Variants in CACNA1A observed in about 807,000 individuals in gnomAD.
CACNA1A encodes calcium voltage-gated channel subunit alpha1 A.
Under a neutral mutation model 262.4 loss-of-function variants are expected in CACNA1A, and 57 were observed. That is an observed-to-expected ratio of 0.22 (90% CI 0.18 to 0.27). The LOEUF (loss-of-function observed/expected upper bound fraction) is 0.27, where lower values mean the gene tolerates loss of function less well. Among genes scored for constraint, CACNA1A ranks in the 10% least tolerant of loss-of-function variants. CACNA1A has a pLI of 1.00. For missense variants in CACNA1A, 2,526 were observed against 3,562.8 expected (o/e 0.71, Z 7.41); for synonymous variants, 1,431 against 1,419.3 (o/e 1.01, Z -0.18).
chr19:13,439,700 C>T (rs1215710044), intron 3 of CACNA1A, among the ~76,000 whole-genome samples: 2 of 151,790 alleles, frequency 1.3e-5, no homozygotes, highest in South Asian at 2.1e-4. Flanking sequence ...CGTGGGCCAC[C>T]GTGCCTGGCC....
chr19:13,245,969 G>C (rs1000954617), intron 30 of CACNA1A, among the ~76,000 whole-genome samples: 52 of 152,226 alleles, frequency 3.4e-4, no homozygotes, highest in African/African-American at 1.2e-3. Flanking sequence ...ACCACTCCCA[G>C]GTATACCCAT....
At chr19:13,476,276 G>A (rs1978522639) in intron 1 of CACNA1A, among the ~76,000 whole-genome samples, 1 of 152,198 alleles carries the variant, frequency 6.6e-6, no homozygotes, top group Non-Finnish European at 1.5e-5. Flanking sequence ...AAGCCAGACT[G>A]GAAGTAAGAA....
rs530123265 is a variant in CACNA1A, at chr19:13,369,251, C to T, written c.631+2437G>A. Among the ~76,000 whole-genome samples the T allele has an allele frequency of 2.0e-5, 3 of 152,206 alleles. No individual in the cohort carries two copies. In the South Asian group the frequency reaches 6.2e-4, roughly 32 times the overall value. On this transcript the variant is annotated intron_variant, in intron 4 of 46. Transcript: ENST00000360228. ...CCCTTGGTGATCAAAAGCTATCTCA[C>T]CTGGGAGCTACTGCGTCTCTACCTC... is the stretch of plus-strand genomic sequence containing the variant.
At chr19:13,272,855 C>T (rs1280910262) in intron 24 of CACNA1A, 4 of 152,156 alleles carry the variant, frequency 2.6e-5, no homozygotes, top group Admixed American at 2.6e-4. Flanking sequence ...GTAAAACATT[C>T]TGGCTTTTCA....
rs187419630 is a variant in CACNA1A at position 13,295,632 on chromosome 19, C to T, written c.3089+2912G>A. On this transcript the variant is annotated intron_variant, in intron 19 of 46. Coordinates refer to ENST00000360228, the MANE Select transcript of CACNA1A (RefSeq NM_001127222.2). ...TCAGCCTTCCAAGTAGCTAGAACTA[C>T]AGGCACCTGCCGCCACACCTGGCTA... 1.4e-4 allele frequency among the ~76,000 whole-genome samples: 22 copies of T among 152,128 alleles called. 1 individual carries two copies. The highest frequency in any genetic ancestry group is 1.4e-3 in the Admixed American group (22 of 15,246).
chr19:13,343,099 T>C (rs1247471417), intron 6 of CACNA1A, among the ~76,000 whole-genome samples: 1 of 150,712 alleles, frequency 6.6e-6, no homozygotes, highest in Non-Finnish European at 1.5e-5. Flanking sequence ...CCTTCACCTC[T>C]TTCTGGTCTT....
At chr19:13,331,175 G>C (rs2058460738) in intron 9 of CACNA1A, among the ~76,000 whole-genome samples, 1 of 152,178 alleles carries the variant, frequency 6.6e-6, no homozygotes, top group Admixed American at 6.5e-5. Context: ...CGCAGTGCCA[G>C]TTCTTTTATT....
At chr19:13,338,146 C>T (rs4926272) in intron 6 of CACNA1A, among the ~76,000 whole-genome samples, 151 of 151,890 alleles carry the variant, frequency 9.9e-4, no homozygotes, top group African/African-American at 3.6e-3. Flanking sequence ...ACCCAGAAGG[C>T]GGAGCTTGCA....
intron 32 of CACNA1A, among the ~76,000 whole-genome samples, 165 bp from the exon 33 acceptor site, chr19:13,235,439 C>T (rs925589874): frequency 5.9e-5 from 9 of 152,196 alleles, no homozygotes; most frequent in African/African-American, 1.9e-4. Context: ...GGATGAGGCC[C>T]TTACAGCTCT....
chr19:13,462,106 G>A (rs1299288125), intron 1 of CACNA1A, among the ~76,000 whole-genome samples: 2 of 152,202 alleles, frequency 1.3e-5, no homozygotes, highest in African/African-American at 2.4e-5. Flanking sequence ...CAAAGTGGGC[G>A]TGGCTGATGG....
At chr19:13,451,071 A>C (rs1036670490) in intron 3 of CACNA1A, 10 of 152,232 alleles carry the variant, frequency 6.6e-5, no homozygotes, top group Non-Finnish European at 1.5e-4. Context: ...CTTGGAACCC[A>C]CCAAGGTCCC....
chr19:13,217,951 T>TTA (rs1568429547), intron 38 of CACNA1A, among the ~76,000 whole-genome samples: 3 of 97,864 alleles, frequency 3.1e-5, no homozygotes, highest in African/African-American at 4.1e-5. Flanking sequence ...TTTTTTTTTT[T>TTA]AAAAAAAAGA....
chr19:13,365,988 T>C (rs893066150), intron 4 of CACNA1A: 1 of 147,842 alleles, frequency 6.8e-6, no homozygotes, highest in Non-Finnish European at 1.5e-5. Context: ...TATTATTATT[T>C]ATTTTATTTA....
At chr19:13,330,425 C>CAA (rs1971946162) in intron 9 of CACNA1A, 92 bp from the exon 10 acceptor site, 2 of 897,832 alleles carry the variant, frequency 2.2e-6, no homozygotes, top group Non-Finnish European at 1.8e-6. Flanking sequence ...ATTTAACTCT[C>CAA]ACGGCAACTG....
Position 13,206,944 on chromosome 19 carries a change from G to GCT in CACNA1A, c.*368_*369insAG, listed in dbSNP as rs2054587721. 1.5e-5 allele frequency: 1 copy of GCT among 65,108 alleles called. No homozygotes were observed. Among genetic ancestry groups the GCT allele is most frequent in the African/African-American group, 6.3e-5 (1 of 15,852 alleles). 4.0% of individuals were successfully genotyped at this position (65,108 alleles called of 1,614,324 possible). On this transcript the variant is annotated 3_prime_UTR_variant, in exon 47 of 47. Transcript: ENST00000360228. The stretch of plus-strand genomic sequence containing the variant: ...TCTCCCCGTTTTTTCTTTTAAAAAT[G>GCT]TTTTTTTTTTTTTTTTTTTTTTTTT...
intron 15 of CACNA1A, among the ~76,000 whole-genome samples, chr19:13,304,659 C>A (rs974219304): frequency 4.5e-3 from 465 of 102,966 alleles, no homozygotes; most frequent in Middle Eastern, 0.013. Flanking sequence ...ATTTTTGTCT[C>A]AAAAAAAAAA....
At chr19:13,292,856 G>A (rs987953723) in intron 19 of CACNA1A, among the ~76,000 whole-genome samples, 19 of 151,592 alleles carry the variant, frequency 1.3e-4, no homozygotes, top group Non-Finnish European at 2.5e-4. Flanking sequence ...TTCTCTTAAA[G>A]TGCATGAATC....
In CACNA1A at chr19:13,212,662, G is replaced by A; in HGVS notation, c.6019C>T (p.Pro2007Ser). 6.6e-7 allele frequency: 1 copy of A among 1,516,202 alleles called. No homozygotes were observed. Among genetic ancestry groups the A allele is most frequent in the South Asian group, 1.3e-5 (1 of 75,028 alleles). 93.9% of individuals were successfully genotyped at this position (1,516,202 alleles called of 1,614,324 possible). A position where few individuals can be genotyped will look rare whatever the true frequency, so the allele number is the denominator to read the frequency against. The change falls in exon 41 of 47, where the codon CCC (proline) becomes TCC (serine). Residue 2007 changes from proline (P) to serine (S), a missense_variant. Pro to Ser is a moderately conservative substitution (Grantham distance 74, BLOSUM62 -1). Around this residue, in one of 17 missense-constraint regions of CACNA1A, gnomAD observed 929 missense variants for 868.1 expected, o/e 1.07. Transcript: ENST00000360228. The surrounding 1 kb of genome is among the most constrained non-coding windows in gnomAD (Gnocchi z 5.6). ...CCTCCTGGGTCCAGCTGGGTGGAGG[G>A]GAGGGCGTTCTGGCCAGGTCCCCCT... Reference protein sequence around the residue: ...QEGGPGQNALPSTQLDPGGAL... With the variant: ...QEGGPGQNALSSTQLDPGGAL...
chr19:13,236,358 AC>A lies in CACNA1A; in HGVS notation c.4951-629del, dbSNP rs993166270. The A allele has an allele frequency of 2.6e-5, 4 of 153,546 alleles. No homozygotes were observed. The highest frequency in any genetic ancestry group is 9.7e-5 in the African/African-American group (4 of 41,372). 9.5% of individuals were successfully genotyped at this position (153,546 alleles called of 1,614,324 possible). A position where few individuals can be genotyped will look rare whatever the true frequency, so the allele number is the denominator to read the frequency against. On this transcript the variant is annotated intron_variant, in intron 31 of 46. Coordinates refer to ENST00000360228, the MANE Select transcript of CACNA1A (RefSeq NM_001127222.2). The surrounding 1 kb of genome is among the most constrained non-coding windows in gnomAD (Gnocchi z 4.6). ...CCTGCCCTGCCCTGCCGAGCTGCCC[AC>A]CCGCTCCTGCCCGCCCTGACCTCAC...
Sources: allele counts gnomAD v4.1 joint callset (sites outside exome capture counted in the v4.1 genomes callset), GRCh38; gene constraint gnomAD v4.1.1; regional missense constraint gnomAD v4.1.1; non-coding constraint Gnocchi (gnomAD v3.1); transcripts MANE v1.5; gene names NCBI Gene and HGNC (gene_info 2026-07-23, HGNC 2026-07-21).